SGCZ: variants seen among roughly 807,000 people sequenced by gnomAD.
The protein encoded by SGCZ is sarcoglycan zeta, also known as zeta-sarcoglycan.
Under a neutral mutation model 41.3 loss-of-function variants are expected in SGCZ, and 40 were observed. The ratio of observed to expected loss-of-function variants is 0.97; its 90% CI spans 0.75 to 1.26. The LOEUF is 1.26. SGCZ is among the 50% of genes most tolerant of loss of function. SGCZ has a pLI of 0.00. For synonymous variants in SGCZ, 206 were observed against 137.5 expected (o/e 1.50, Z -3.49); for missense variants, 552 against 369.8 (o/e 1.49, Z -4.04).
intron 1 of SGCZ, among the ~76,000 whole-genome samples, chr8:14,598,228 T>C (rs920518952): frequency 1.3e-5 from 2 of 152,010 alleles, no homozygotes; most frequent in Non-Finnish European, 1.5e-5. Context: ...TTTTTTTTCA[T>C]TTATTTATTA....
intron 1 of SGCZ, among the ~76,000 whole-genome samples, chr8:14,860,035 G>T (rs979689383): frequency 3.9e-5 from 6 of 152,060 alleles, no homozygotes; most frequent in African/African-American, 4.8e-5. Flanking sequence ...AAGAATCAAG[G>T]AATCAGCGTT....
At chr8:15,173,272 C>T (rs1238041834) in intron 1 of SGCZ, among the ~76,000 whole-genome samples, 2 of 152,298 alleles carry the variant, frequency 1.3e-5, no homozygotes, top group African/African-American at 4.8e-5. Context: ...TAAAAATATT[C>T]ACATTATTGT....
chr8:14,265,106 C>G (rs1036994871), intron 3 of SGCZ, among the ~76,000 whole-genome samples: 2 of 152,188 alleles, frequency 1.3e-5, no homozygotes, highest in Non-Finnish European at 1.5e-5. Context: ...CCTCACCAAA[C>G]AGACAAAATA....
chr8:14,129,018 C>G (rs549434422), intron 5 of SGCZ, among the ~76,000 whole-genome samples: 1 of 151,954 alleles, frequency 6.6e-6, no homozygotes, highest in African/African-American at 2.4e-5. Flanking sequence ...GCTAAAAGCC[C>G]AGACTTCACC....
intron 1 of SGCZ, among the ~76,000 whole-genome samples, chr8:14,579,013 T>G (rs1383517684): frequency 6.6e-6 from 1 of 152,182 alleles, no homozygotes; most frequent in Non-Finnish European, 1.5e-5. Flanking sequence ...CAGAATTTAA[T>G]GATCTTTGCC....
Position 14,318,961 on chromosome 8 carries a change from G to C in SGCZ, c.336+5142C>G, listed in dbSNP as rs547210572. Among the ~76,000 whole-genome samples, 19 of 151,600 alleles carry C rather than the reference G, an allele frequency of 1.3e-4. No homozygotes were observed. The South Asian group carries it at 4.0e-3, about 32-fold the overall frequency. On this transcript the variant is annotated intron_variant, in intron 3 of 7. Transcript: ENST00000382080. ...TATACAAAAAAAAATATGAATTAGA[G>C]AGCGTAAGGGCAAAACTTATTTGAA...
intron 1 of SGCZ, among the ~76,000 whole-genome samples, chr8:15,191,126 G>A (rs926387338): frequency 2.6e-5 from 4 of 151,900 alleles, no homozygotes; most frequent in Non-Finnish European, 5.9e-5. Flanking sequence ...CTTAATAATT[G>A]TGCAGTGCAT....
chr8:15,025,069 T>C (rs1316948305), intron 1 of SGCZ, among the ~76,000 whole-genome samples: 1 of 152,016 alleles, frequency 6.6e-6, no homozygotes, highest in African/African-American at 2.4e-5. Flanking sequence ...TCTCTAGGTT[T>C]AATACTCACC....
chr8:14,260,948 G>C (rs1231495130), intron 3 of SGCZ, among the ~76,000 whole-genome samples: 1 of 152,178 alleles, frequency 6.6e-6, no homozygotes, highest in Non-Finnish European at 1.5e-5. Context: ...GGACAGTTGT[G>C]GGGTGTGGGG....
intron 2 of SGCZ, among the ~76,000 whole-genome samples, chr8:14,395,997 C>G (rs1004741356): frequency 1.3e-5 from 2 of 152,158 alleles, no homozygotes; most frequent in African/African-American, 2.4e-5. Context: ...AATGTATCCT[C>G]ACTGTATGTG....
chr8:15,201,571 C>A (rs1395483312), intron 1 of SGCZ, among the ~76,000 whole-genome samples: 1 of 152,168 alleles, frequency 6.6e-6, no homozygotes, highest in Non-Finnish European at 1.5e-5. Context: ...TGGAACCATA[C>A]AAATCACCCA....
At chr8:14,423,509 C>A (rs574195702) in intron 2 of SGCZ, among the ~76,000 whole-genome samples, 2 of 152,024 alleles carry the variant, frequency 1.3e-5, no homozygotes, top group South Asian at 2.1e-4. Flanking sequence ...CTCCGCCTCC[C>A]GGGTTCAAGT....
chr8:15,077,288 G>C (rs1409789224), intron 1 of SGCZ, among the ~76,000 whole-genome samples: 1 of 152,068 alleles, frequency 6.6e-6, no homozygotes, highest in Non-Finnish European at 1.5e-5. Flanking sequence ...CAGGTAAATT[G>C]ACCTATTAAC....
intron 2 of SGCZ, among the ~76,000 whole-genome samples, chr8:14,418,434 T>C (rs1316480014): frequency 6.6e-6 from 1 of 151,968 alleles, no homozygotes. Flanking sequence ...AACGGACTTC[T>C]GGTAGTATGA....
At chr8:14,108,296 T>C (rs1272772082) in intron 5 of SGCZ, 61 bp from the exon 6 acceptor site, 2 of 1,406,222 alleles carry the variant, frequency 1.4e-6, no homozygotes, top group East Asian at 4.6e-5. Flanking sequence ...CTTTCATCTC[T>C]ATGTTTATGC....
At chr8:14,621,181 C>G (rs1207862082) in intron 1 of SGCZ, among the ~76,000 whole-genome samples, 1 of 150,630 alleles carries the variant, frequency 6.6e-6, no homozygotes, top group African/African-American at 2.4e-5. Context: ...AGCAAACTAT[C>G]ACAAGGACAA....
chr8:14,527,262 C>T (rs1292567326), intron 2 of SGCZ, among the ~76,000 whole-genome samples: 4 of 152,148 alleles, frequency 2.6e-5, no homozygotes, highest in Non-Finnish European at 2.9e-5. Context: ...TATGTATTTT[C>T]CATGCTGTGT....
chr8:14,261,973 T>G (rs988894284), intron 3 of SGCZ, among the ~76,000 whole-genome samples: 3 of 152,106 alleles, frequency 2.0e-5, no homozygotes, highest in Non-Finnish European at 4.4e-5. Context: ...GAAAGATAAT[T>G]GATTAAATTA....
intron 1 of SGCZ, among the ~76,000 whole-genome samples, chr8:15,225,808 A>G (rs1420442886): frequency 3.3e-5 from 5 of 152,174 alleles, no homozygotes; most frequent in Admixed American, 1.3e-4. Flanking sequence ...GTCTCTGGAG[A>G]ATCATGAACA....
Sources: gnomAD v4.1 joint callset for allele counts (sites outside exome capture counted in the v4.1 genomes callset) on GRCh38, gnomAD v4.1.1 for gene constraint, MANE v1.5 for transcripts, NCBI Gene and HGNC (gene_info 2026-07-23, HGNC 2026-07-21) for gene names.